Variants in FGF10 observed in about 807,000 individuals in gnomAD.
FGF10 encodes fibroblast growth factor 10.
A neutral mutation model predicts 19.8 loss-of-function variants in FGF10; 2 were observed. The observed-to-expected ratio is 0.10, with a 90% CI of 0.04 to 0.32. The LOEUF (loss-of-function observed/expected upper bound fraction) is 0.32. FGF10 is among the 10% of genes least tolerant of loss of function. The pLI, the probability that FGF10 is intolerant of heterozygous loss-of-function variation, is 1.00. For synonymous variants in FGF10, 112 were observed against 94.0 expected (o/e 1.19, Z -1.10); for missense variants, 191 against 246.3 (o/e 0.78, Z 1.50).
At chr5:44,387,277 T>G (rs1742123091) in intron 1 of FGF10, among the ~76,000 whole-genome samples, 1 of 152,130 alleles carries the variant, frequency 6.6e-6, no homozygotes, top group African/African-American at 2.4e-5. Flanking sequence ...TCCACCCCTC[T>G]TCTTCTAGTT....
intron 1 of FGF10, among the ~76,000 whole-genome samples, chr5:44,381,052 A>G (rs1741972779): frequency 6.6e-6 from 1 of 152,216 alleles, no homozygotes; most frequent in Admixed American, 6.5e-5. Flanking sequence ...GTATGCAAAT[A>G]ATTTAAAAGA....
intron 1 of FGF10, among the ~76,000 whole-genome samples, chr5:44,330,126 G>T (rs1740697089): frequency 6.6e-6 from 1 of 152,156 alleles, no homozygotes; most frequent in Admixed American, 6.5e-5. Context: ...TAATCCTTTA[G>T]TAGTTTTTCA....
At chr5:44,373,807 A>T (rs1741796683) in intron 1 of FGF10, among the ~76,000 whole-genome samples, 1 of 152,242 alleles carries the variant, frequency 6.6e-6, no homozygotes, top group Admixed American at 6.5e-5. Context: ...TTCTAACAGA[A>T]GTCTGTTTAA....
intron 1 of FGF10, among the ~76,000 whole-genome samples, chr5:44,327,184 G>A (rs1740634555): frequency 6.6e-6 from 1 of 152,138 alleles, no homozygotes; most frequent in Admixed American, 6.5e-5. Context: ...TGTACCATGA[G>A]GGACTGACTG....
chr5:44,329,212 G>C (rs1168815654), intron 1 of FGF10, among the ~76,000 whole-genome samples: 1 of 152,246 alleles, frequency 6.6e-6, no homozygotes, highest in East Asian at 1.9e-4. Context: ...CTGTCTCCCA[G>C]GCTGGCCTGG....
intron 1 of FGF10, among the ~76,000 whole-genome samples, chr5:44,343,673 C>T (rs1362306922): frequency 6.6e-6 from 1 of 151,920 alleles, no homozygotes; most frequent in Non-Finnish European, 1.5e-5. Context: ...CCCTTTCCAA[C>T]AAATGAAATC....
At chr5:44,380,880 C>T (rs1487231335) in intron 1 of FGF10, among the ~76,000 whole-genome samples, 1 of 152,116 alleles carries the variant, frequency 6.6e-6, no homozygotes, top group South Asian at 2.1e-4. Context: ...GCAGTTCCAA[C>T]TGCTTGGGAG....
At chr5:44,348,697 T>C (rs1741145242) in intron 1 of FGF10, among the ~76,000 whole-genome samples, 1 of 151,620 alleles carries the variant, frequency 6.6e-6, no homozygotes, top group Admixed American at 6.6e-5. Context: ...AGTGTATTTA[T>C]ATTACATGCA....
intron 1 of FGF10, among the ~76,000 whole-genome samples, chr5:44,383,788 T>C (rs929950963): frequency 6.6e-6 from 1 of 152,080 alleles, no homozygotes; most frequent in African/African-American, 2.4e-5. Context: ...TTATAAATTA[T>C]GCAACCAAAT....
intron 1 of FGF10, among the ~76,000 whole-genome samples, chr5:44,323,459 G>T (rs1432567304): frequency 6.6e-6 from 1 of 152,116 alleles, no homozygotes; most frequent in Non-Finnish European, 1.5e-5. Flanking sequence ...AGCAACACTG[G>T]GCTAGAGATG....
chr5:44,380,343 A>G (rs1459382418), intron 1 of FGF10, among the ~76,000 whole-genome samples: 1 of 152,226 alleles, frequency 6.6e-6, no homozygotes, highest in Non-Finnish European at 1.5e-5. Context: ...GATAGACTTA[A>G]ATCTAATTCA....
chr5:44,334,721 G>A (rs17227906), intron 1 of FGF10, among the ~76,000 whole-genome samples: 176 of 152,128 alleles, frequency 1.2e-3, no homozygotes, highest in Non-Finnish European at 1.7e-3. Context: ...CTTTTCACTA[G>A]CTCTAAAAAA....
At chr5:44,333,590 A>G (rs1561204870) in intron 1 of FGF10, among the ~76,000 whole-genome samples, 1 of 152,182 alleles carries the variant, frequency 6.6e-6, no homozygotes, top group African/African-American at 2.4e-5. Context: ...CATTATATAC[A>G]TAAGGAAGCT....
At chr5:44,339,470 GA>G (rs1352276804) in intron 1 of FGF10, among the ~76,000 whole-genome samples, 3 of 152,162 alleles carry the variant, frequency 2.0e-5, no homozygotes, top group Non-Finnish European at 4.4e-5. Flanking sequence ...TTCTGTTGGG[GA>G]TAAGAGCTTT....
chr5:44,359,352 A>T (rs1741423437), intron 1 of FGF10, among the ~76,000 whole-genome samples: 1 of 151,552 alleles, frequency 6.6e-6, no homozygotes, highest in East Asian at 1.9e-4. Flanking sequence ...TGATATTCTG[A>T]ATCCTACAGG....
In FGF10 at chr5:44,377,843, A is replaced by T. The variant is rs1039641309; in HGVS notation, c.325+10515T>A. The stretch of plus-strand genomic sequence containing the variant: ...ACACACAGCCTGGAAGTAATTTTTT[A>T]AAATATTTTAAATCATTTTGTTCAT... On this transcript the variant is annotated intron_variant, in intron 1 of 2. Transcript: ENST00000264664. Among the ~76,000 whole-genome samples, 5 of 152,324 alleles carry T rather than the reference A, an allele frequency of 3.3e-5. No homozygotes were observed. The East Asian group carries it at 9.6e-4, about 29-fold the overall frequency.
Position 44,388,557 on chromosome 5 carries a change from C to CCT in FGF10, c.125_126insAG (p.Asp43GlyfsTer72), listed in dbSNP as rs1742165534. 1 of 1,614,118 alleles carries CCT rather than the reference C, an allele frequency of 6.2e-7. No homozygotes were observed. The highest frequency in any genetic ancestry group is 2.2e-5 in the East Asian group (1 of 44,858). ...TGGTGGCCTCTGGTGACACCATGTC[C>CCT]TGACCAAGGGCTTGGCAGGTGACAG... On this transcript the variant is annotated frameshift_variant, in exon 1 of 3. Transcript: ENST00000264664. LOFTEE classifies it high-confidence loss of function.
At position 44,305,010 on chromosome 5, in the gene FGF10, C is replaced by G; in HGVS notation, c.612G>C (p.Met204Ile). ...RKNTSAHFLP[M>I]VVHS The stretch of plus-strand genomic sequence containing the variant: ...TTGCCTTCCTCTATGAGTGTACCAC[C>G]ATTGGAAGAAAGTGAGCAGAGGTGT... The change falls in exon 3 of 3, where the codon ATG becomes ATC. Residue 204 changes from methionine to isoleucine, a missense_variant. By Grantham distance (10) the Met-to-Ile change is conservative (BLOSUM62 1). This residue lies in a region of FGF10 where 99 missense variants were observed against 161.7 expected (regional missense o/e 0.61). Transcript: ENST00000264664. 1 of 1,613,926 alleles carries G rather than the reference C, an allele frequency of 6.2e-7. No homozygotes were observed. Among genetic ancestry groups the G allele is most frequent in the Non-Finnish European group, 8.5e-7 (1 of 1,179,866 alleles).
At chr5:44,311,573 C>A (rs1271771897) in intron 1 of FGF10, among the ~76,000 whole-genome samples, 1 of 151,998 alleles carries the variant, frequency 6.6e-6, no homozygotes, top group Non-Finnish European at 1.5e-5. Flanking sequence ...CATAATAGTA[C>A]CTCCCTCATA....
Sources: gnomAD v4.1 joint callset for allele counts (sites outside exome capture counted in the v4.1 genomes callset) on GRCh38, gnomAD v4.1.1 for gene constraint, gnomAD v4.1.1 regional missense constraint, MANE v1.5 for transcripts, NCBI Gene and HGNC (gene_info 2026-07-23, HGNC 2026-07-21) for gene names.